Variants in SPATA13 observed in about 807,000 individuals in gnomAD.
The protein encoded by SPATA13 is spermatogenesis-associated protein 13.
SPATA13 carries 50 observed loss-of-function variants against 104.0 expected under a neutral mutation model. The observed-to-expected ratio is 0.48, with a 90% CI of 0.38 to 0.61. The LOEUF (loss-of-function observed/expected upper bound fraction) is 0.61. Among genes scored for constraint, SPATA13 ranks in the 20% least tolerant of loss-of-function variants. The pLI, the probability that SPATA13 is intolerant of heterozygous loss-of-function variation, is 0.00. For missense variants in SPATA13, 1,524 were observed against 1,690.6 expected, an observed-to-expected ratio of 0.90 and a Z score of 1.73; for synonymous variants, 606 against 667.5, an observed-to-expected ratio of 0.91 and a Z score of 1.42.
At chr13:24,053,074 A>G (rs1878418103) in intron 3 of SPATA13, among the ~76,000 whole-genome samples, 1 of 150,896 alleles carries the variant, frequency 6.6e-6, no homozygotes, top group Non-Finnish European at 1.5e-5. Context: ...TTTTGTTTCA[A>G]TTTTCTGAGA....
intron 3 of SPATA13, among the ~76,000 whole-genome samples, chr13:24,064,726 C>G (rs979600861): frequency 6.6e-6 from 1 of 152,106 alleles, no homozygotes; most frequent in Non-Finnish European, 1.5e-5. Flanking sequence ...GTTACAGCAG[C>G]CAAACTAAAA....
intron 3 of SPATA13, among the ~76,000 whole-genome samples, chr13:24,031,719 C>A (rs755115298): frequency 3.3e-5 from 5 of 152,124 alleles, no homozygotes; most frequent in African/African-American, 1.2e-4. Context: ...TAATCTTGGA[C>A]CTTCTCTCTC....
chr13:24,102,898 A>G (rs368273325), intron 3 of SPATA13, among the ~76,000 whole-genome samples: 5 of 152,234 alleles, frequency 3.3e-5, no homozygotes, highest in South Asian at 4.1e-4. Context: ...ACTTTTCCCT[A>G]TGTTTTCCTT....
intron 5 of SPATA13, among the ~76,000 whole-genome samples, chr13:24,285,531 CT>C (rs1875871653): frequency 6.6e-6 from 1 of 151,912 alleles, no homozygotes; most frequent in South Asian, 2.1e-4. Context: ...CCCTCCCTCC[CT>C]TTTTTCTTGC....
At position 24,289,042 on chromosome 13, in the gene SPATA13, T is replaced by C; in HGVS notation, c.2711T>C (p.Val904Ala). 1 of 1,613,860 alleles carries C rather than the reference T, an allele frequency of 6.2e-7. No individual in the cohort carries two copies. The highest frequency in any genetic ancestry group is 2.2e-5 in the East Asian group (1 of 44,866). ...QCRKHTGMFT[V>A]AQLATIFGNI... is the part of the protein sequence containing the mutation. Reference sequence around the variant, plus strand: ...CGCAAGCACACAGGAATGTTCACCGTTGCGCAGCTAGCCACTATTTTTGGA... The same window carrying C: ...CGCAAGCACACAGGAATGTTCACCGCTGCGCAGCTAGCCACTATTTTTGGA... Residue 904 changes from valine to alanine, a missense_variant, in exon 8 of 13, where the codon GTT (valine) becomes GCT (alanine). Transcript: ENST00000382108.
intron 2 of SPATA13, among the ~76,000 whole-genome samples, chr13:24,237,950 A>G (rs187975026): frequency 4.7e-4 from 69 of 148,304 alleles, no homozygotes; most frequent in Non-Finnish European, 8.3e-4. Context: ...TATGCAATAT[A>G]TAAACATACA....
At chr13:24,157,709 C>T (rs1882305957), upstream of SPATA13, among the ~76,000 whole-genome samples, 1 of 152,148 alleles carries the variant, frequency 6.6e-6, no homozygotes, top group Non-Finnish European at 1.5e-5. Flanking sequence ...TTCCTTTCTG[C>T]CCTGTACCTC....
chr13:24,176,411 T>G (rs4769334), intron 1 of SPATA13, among the ~76,000 whole-genome samples: 6 of 152,050 alleles, frequency 3.9e-5, no homozygotes, highest in Non-Finnish European at 7.3e-5. Flanking sequence ...CATGTAATCT[T>G]TACAGAAAAG....
intron 1 of SPATA13, among the ~76,000 whole-genome samples, chr13:24,187,923 A>G (rs1404808529): frequency 2.0e-5 from 3 of 152,212 alleles, no homozygotes; most frequent in Non-Finnish European, 4.4e-5. Context: ...ATCCAAAGCT[A>G]GGAATGATTA....
intron 4 of SPATA13, among the ~76,000 whole-genome samples, chr13:24,280,937 C>T (rs138304571): frequency 2.1e-4 from 32 of 152,280 alleles, no homozygotes; most frequent in Non-Finnish European, 3.5e-4. Context: ...AGTCACCATG[C>T]GTTGTTCAGG....
At chr13:24,014,878 G>GT (rs1876635311) in intron 2 of SPATA13, among the ~76,000 whole-genome samples, 5 of 78,696 alleles carry the variant, frequency 6.4e-5, no homozygotes, top group Non-Finnish European at 1.1e-4. Flanking sequence ...GCACTTTCTG[G>GT]ATTTTTTTTT....
At chr13:24,201,101 C>A (rs1334777373) in intron 1 of SPATA13, among the ~76,000 whole-genome samples, 1 of 150,708 alleles carries the variant, frequency 6.6e-6, no homozygotes, top group African/African-American at 2.4e-5. Flanking sequence ...ATTTTTGAAT[C>A]TGGACATTGT....
intron 4 of SPATA13, among the ~76,000 whole-genome samples, chr13:24,255,622 G>A (rs1873750912): frequency 6.6e-6 from 1 of 152,212 alleles, no homozygotes; most frequent in East Asian, 1.9e-4. Context: ...TCTCTCAGCA[G>A]CATCTCTGGC....
At chr13:24,152,703 G>A (rs1390002330) in intron 3 of SPATA13, among the ~76,000 whole-genome samples, 2 of 152,102 alleles carry the variant, frequency 1.3e-5, no homozygotes, top group African/African-American at 2.4e-5. Context: ...ACCATCACCC[G>A]TTCTTCAAAT....
intron 3 of SPATA13, among the ~76,000 whole-genome samples, chr13:24,072,251 C>G (rs1879188177): frequency 6.6e-6 from 1 of 152,166 alleles, no homozygotes; most frequent in Admixed American, 6.5e-5. Context: ...TAAAAGCCCT[C>G]AAGTCATTGC....
intron 3 of SPATA13, among the ~76,000 whole-genome samples, chr13:24,124,574 A>G (rs1211636312): frequency 6.6e-6 from 1 of 152,220 alleles, no homozygotes; most frequent in African/African-American, 2.4e-5. Flanking sequence ...AGGTGAATTT[A>G]GTCATAGTCC....
intron 3 of SPATA13, among the ~76,000 whole-genome samples, chr13:24,021,770 G>A (rs529444602): frequency 6.6e-6 from 1 of 151,440 alleles, no homozygotes; most frequent in African/African-American, 2.4e-5. Context: ...GGAGTGCAGC[G>A]GCATGATCTT....
chr13:24,260,379 G>A (rs1874000363), intron 4 of SPATA13, among the ~76,000 whole-genome samples: 1 of 152,204 alleles, frequency 6.6e-6, no homozygotes, highest in Non-Finnish European at 1.5e-5. Flanking sequence ...TCTGTAAGGA[G>A]CTGGCAGATC....
In SPATA13 at chr13:24,290,785, A is replaced by G; in HGVS notation, c.2981A>G (p.Asp994Gly). 6.2e-7 allele frequency: 1 copy of G among 1,614,212 alleles called. No individual in the cohort carries two copies. Among genetic ancestry groups the G allele is most frequent in the Non-Finnish European group, 8.5e-7 (1 of 1,180,032 alleles). Residue 994 changes from aspartate (D) to glycine (G), a missense_variant, in exon 9 of 13, where the codon GAC (aspartate) becomes GGC (glycine). Around this residue, in one of 2 missense-constraint regions of SPATA13, gnomAD observed 435 missense variants for 554.8 expected, o/e 0.78. Transcript: ENST00000382108. ...EACRLLQQMI[D>G]IAIDGFLLTP... ...TGCCGCCTGCTGCAGCAGATGATTG[A>G]CATCGCCATCGACGGGTTCCTGCTC...
Sources: gnomAD v4.1 joint callset for allele counts (sites outside exome capture counted in the v4.1 genomes callset) on GRCh38, gnomAD v4.1.1 for gene constraint, gnomAD v4.1.1 regional missense constraint, MANE v1.5 for transcripts, NCBI Gene and HGNC (gene_info 2026-07-23, HGNC 2026-07-21) for gene names.